PTPRD: variants seen among roughly 807,000 people sequenced by gnomAD.
PTPRD encodes protein tyrosine phosphatase receptor type D, also known as receptor-type tyrosine-protein phosphatase delta.
PTPRD carries 34 observed loss-of-function variants against 214.5 expected under a neutral mutation model. The observed-to-expected ratio is 0.16, with a 90% CI of 0.12 to 0.21. The LOEUF (loss-of-function observed/expected upper bound fraction) is 0.21. Among genes scored for constraint, PTPRD ranks in the 10% least tolerant of loss-of-function variants. PTPRD has a pLI of 1.00. For missense variants in PTPRD, 2,545 were observed against 2,398.7 expected, an observed-to-expected ratio of 1.06 and a Z score of -1.27; for synonymous variants, 1,128 against 845.7, an observed-to-expected ratio of 1.33 and a Z score of -5.79.
chr9:8,593,270 A>G (rs1255261456), intron 14 of PTPRD, among the ~76,000 whole-genome samples: 2 of 152,206 alleles, frequency 1.3e-5, no homozygotes, highest in Non-Finnish European at 2.9e-5. Context: ...AAGATGGTAA[A>G]GTCAGCACCT....
chr9:10,221,775 C>T (rs1184814811), intron 3 of PTPRD, among the ~76,000 whole-genome samples: 1 of 151,366 alleles, frequency 6.6e-6, no homozygotes, highest in Non-Finnish European at 1.5e-5. Context: ...GTGTTCATGG[C>T]TAAAAAACTG....
At chr9:10,149,164 G>A (rs1386339769) in intron 3 of PTPRD, among the ~76,000 whole-genome samples, 2 of 152,140 alleles carry the variant, frequency 1.3e-5, no homozygotes, top group Non-Finnish European at 2.9e-5. Context: ...ACACCAACAT[G>A]AATGTAGATA....
At chr9:9,369,697 C>T in intron 9 of PTPRD, among the ~76,000 whole-genome samples, 1 of 152,104 alleles carries the variant, frequency 6.6e-6, no homozygotes, top group Non-Finnish European at 1.5e-5. Context: ...TGCCTATGTC[C>T]TGAATGGTAT....
At chr9:8,967,017 C>T (rs1035066524) in intron 11 of PTPRD, among the ~76,000 whole-genome samples, 2 of 151,654 alleles carry the variant, frequency 1.3e-5, no homozygotes, top group Admixed American at 6.6e-5. Flanking sequence ...AAAGAAGACA[C>T]ACAGGTGGCC....
intron 34 of PTPRD, among the ~76,000 whole-genome samples, chr9:8,446,610 A>G (rs2095738713): frequency 1.3e-5 from 2 of 152,302 alleles, no homozygotes; most frequent in South Asian, 4.1e-4. Flanking sequence ...GAAGGTGTGG[A>G]TTACTAATTC....
Position 8,316,262 on chromosome 9 carries a change from A to C in PTPRD, c.*1612T>G, listed in dbSNP as rs149809695. The C allele has an allele frequency of 6.6e-4, 152 of 230,458 alleles. 1 individual carries two copies. The East Asian group carries it at 9.3e-3, about 14-fold the overall frequency. 14.3% of individuals were successfully genotyped at this position (230,458 alleles called of 1,614,324 possible). A position where few individuals can be genotyped will look rare whatever the true frequency, so the allele number is the denominator to read the frequency against. On this transcript the variant is annotated 3_prime_UTR_variant, in exon 46 of 46. Coordinates refer to ENST00000381196, the MANE Select transcript of PTPRD (RefSeq NM_002839.4). ...GGTAAACAGATAATGCTTTAATAGA[A>C]AGTAACAGATACGAACAGTGAATGG...
At chr9:9,170,314 G>A (rs1348785492) in intron 10 of PTPRD, among the ~76,000 whole-genome samples, 1 of 152,080 alleles carries the variant, frequency 6.6e-6, no homozygotes, top group Non-Finnish European at 1.5e-5. Context: ...AAGGTTCTTT[G>A]TCCTTCAAAT....
intron 2 of PTPRD, among the ~76,000 whole-genome samples, chr9:10,417,701 G>A (rs1166175997): frequency 6.6e-6 from 1 of 151,520 alleles, no homozygotes; most frequent in Admixed American, 6.6e-5. Flanking sequence ...AATTAAAATT[G>A]GAAACAATAG....
chr9:10,125,382 ATCT>A (rs1428946804), intron 3 of PTPRD, among the ~76,000 whole-genome samples: 5 of 147,548 alleles, frequency 3.4e-5, no homozygotes, highest in Admixed American at 1.4e-4. Context: ...TTTCGTTTTT[ATCT>A]TCTTTTTTAT....
At chr9:9,975,863 C>G (rs1293444757) in intron 4 of PTPRD, among the ~76,000 whole-genome samples, 1 of 152,080 alleles carries the variant, frequency 6.6e-6, no homozygotes, top group Non-Finnish European at 1.5e-5. Flanking sequence ...GATAAATGAC[C>G]AAATCCGTAA....
intron 9 of PTPRD, among the ~76,000 whole-genome samples, chr9:9,374,314 T>C (rs1596579351): frequency 6.6e-6 from 1 of 152,082 alleles, no homozygotes; most frequent in African/African-American, 2.4e-5. Context: ...ATAAGGAATA[T>C]AGTTATATGT....
At chr9:8,594,659 C>T (rs4407940) in intron 14 of PTPRD, among the ~76,000 whole-genome samples, 248 of 152,056 alleles carry the variant, frequency 1.6e-3, no homozygotes, top group African/African-American at 5.8e-3. Context: ...TTTGACTGTT[C>T]CTCCTTCCGA....
chr9:9,287,114 A>T (rs1949731540), intron 9 of PTPRD, among the ~76,000 whole-genome samples: 1 of 150,926 alleles, frequency 6.6e-6, no homozygotes, highest in South Asian at 2.1e-4. Context: ...AGTCCCAGCT[A>T]CTTAGGAGGC....
chr9:8,325,221 C>T (rs4008212), intron 44 of PTPRD, among the ~76,000 whole-genome samples: 37,189 of 144,262 alleles, frequency 0.26, 6,385 homozygotes, highest in African/African-American at 0.52. Context: ...TAGGGGTTTT[C>T]ATCATTTTAC....
chr9:9,900,428 C>T (rs887453371), intron 5 of PTPRD, among the ~76,000 whole-genome samples: 1 of 152,196 alleles, frequency 6.6e-6, no homozygotes, highest in African/African-American at 2.4e-5. Flanking sequence ...ACACAAGTGA[C>T]CTTTGTTTCA....
At chr9:9,365,229 T>C (rs2057539316) in intron 9 of PTPRD, among the ~76,000 whole-genome samples, 1 of 151,572 alleles carries the variant, frequency 6.6e-6, no homozygotes, top group Non-Finnish European at 1.5e-5. Flanking sequence ...CTTAAGATCA[T>C]GTGTCTCTAT....
rs764271041 is a variant in PTPRD, at chr9:8,375,918, T to G, written c.4661+18A>C. On this transcript the variant is annotated intron_variant, in intron 39 of 45. Coordinates refer to ENST00000381196, the MANE Select transcript of PTPRD (RefSeq NM_002839.4). The stretch of plus-strand genomic sequence containing the variant: ...TAGCTTTCTGTTTCCTGACTGCAAG[T>G]GAACAAACGCTTCTTACCTGCAGTG... 7 of 1,601,580 alleles carry G rather than the reference T, an allele frequency of 4.4e-6. No individual in the cohort carries two copies. In the Admixed American group the frequency reaches 1.2e-4, roughly 28 times the overall value.
intron 5 of PTPRD, among the ~76,000 whole-genome samples, chr9:9,875,061 G>C (rs1380884449): frequency 6.6e-6 from 1 of 152,074 alleles, no homozygotes; most frequent in South Asian, 2.1e-4. Context: ...CAATGGATAA[G>C]TTTTAACCTA....
intron 5 of PTPRD, among the ~76,000 whole-genome samples, chr9:9,767,242 TTAAA>T (rs914864960): frequency 2.6e-5 from 4 of 152,128 alleles, no homozygotes; most frequent in Non-Finnish European, 4.4e-5. Context: ...ATGAAGCAGG[TTAAA>T]TAGATTTTAT....
Sources: gnomAD v4.1 joint callset for allele counts (sites outside exome capture counted in the v4.1 genomes callset) on GRCh38, gnomAD v4.1.1 for gene constraint, MANE v1.5 for transcripts, NCBI Gene and HGNC (gene_info 2026-07-23, HGNC 2026-07-21) for gene names.